Variants in ATP13A3 observed in about 807,000 individuals in gnomAD.
ATP13A3 encodes the protein polyamine-transporting ATPase 13A3.
ATP13A3 carries 59 observed loss-of-function variants against 158.1 expected under a neutral mutation model. That is an observed-to-expected ratio of 0.37 (90% confidence interval 0.30 to 0.46). The LOEUF is 0.46. Ranked by LOEUF, ATP13A3 falls within the 20% of genes least tolerant of loss-of-function variation. The pLI is 1.00. For missense variants in ATP13A3, 1,166 were observed against 1,525.2 expected (o/e 0.76, Z 3.92); for synonymous variants, 491 against 504.3 (o/e 0.97, Z 0.35).
chr3:194,410,296 CAAAAAAA>C (rs772008929), intron 33 of ATP13A3, among the ~76,000 whole-genome samples: 6 of 21,818 alleles, frequency 2.8e-4, no homozygotes, highest in Admixed American at 9.1e-4. Flanking sequence ...CTCCTCTCTG[CAAAAAAA>C]AAAAAAAAAA....
At chr3:194,408,653 A>T (rs78337727) in intron 33 of ATP13A3, among the ~76,000 whole-genome samples, 2,669 of 152,292 alleles carry the variant, frequency 0.018, 76 homozygotes, top group African/African-American at 0.061. Context: ...ACGTGTCACA[A>T]TTTTTAAAAA....
At position 194,431,261 on chromosome 3, in the gene ATP13A3, C is replaced by T. The variant is rs766433376; in HGVS notation, c.2422-35G>A. The T allele has an allele frequency of 1.2e-5, 19 of 1,542,990 alleles. No individual in the cohort carries two copies. In the Admixed American group the frequency reaches 3.6e-4, roughly 30 times the overall value. On this transcript the variant is annotated intron_variant, in intron 22 of 33. Transcript: ENST00000645319. ...TGAGACATTGGGAACAATATTTAGG[C>T]AACCAAACCAAGTAAAACAATTCTA...
At position 194,448,775 on chromosome 3, in the gene ATP13A3, G is replaced by A. The variant is rs1718584425; in HGVS notation, c.971-139C>T. ...ATACTGTTTACAATAATCACTGAGA[G>A]TTGTATATGTGGACAACATGGCTTA... On this transcript the variant is annotated intron_variant, in intron 11 of 33. Transcript: ENST00000645319. The surrounding 1 kb of genome is among the most constrained non-coding windows in gnomAD (Gnocchi z 4.0). 1 of 897,480 alleles carries A rather than the reference G, an allele frequency of 1.1e-6. No individual in the cohort carries two copies. The highest frequency in any genetic ancestry group is 3.5e-4 in the Middle Eastern group (1 of 2,880). 55.6% of individuals were successfully genotyped at this position (897,480 alleles called of 1,614,324 possible). A position where few individuals can be genotyped will look rare whatever the true frequency, so the allele number is the denominator to read the frequency against.
chr3:194,450,758 A>G (rs551624771), intron 10 of ATP13A3: 7 of 153,960 alleles, frequency 4.5e-5, no homozygotes, highest in African/African-American at 1.7e-4. Flanking sequence ...TATAACCTTC[A>G]AGTCTCATTG....
chr3:194,407,781 T>TA (rs966697365), intron 33 of ATP13A3, among the ~76,000 whole-genome samples: 3 of 151,032 alleles, frequency 2.0e-5, no homozygotes, highest in South Asian at 4.2e-4. Flanking sequence ...AGCATCACCT[T>TA]AAAAAAAAAG....
intron 8 of ATP13A3, 124 bp from the exon 9 acceptor site, chr3:194,454,516 G>A (rs1250782808): frequency 2.5e-5 from 27 of 1,095,494 alleles, no homozygotes; most frequent in Non-Finnish European, 3.0e-5. Context: ...AGTATTCTAC[G>A]GCAAAATGTA....
At chr3:194,434,849 T>C (rs1222717210) in intron 20 of ATP13A3, among the ~76,000 whole-genome samples, 1 of 152,152 alleles carries the variant, frequency 6.6e-6, no homozygotes, top group Non-Finnish European at 1.5e-5. Flanking sequence ...AAGGCCCAGG[T>C]GGTCAAGTCT....
chr3:194,488,975 T>G (rs1721114392), upstream of ATP13A3, among the ~76,000 whole-genome samples: 2 of 152,190 alleles, frequency 1.3e-5, no homozygotes, highest in Admixed American at 1.3e-4. The surrounding 1 kb of genome is among the most constrained non-coding windows in gnomAD (Gnocchi z 4.1). Flanking sequence ...ACTGGACATT[T>G]CCAAAACTGA....
chr3:194,428,761 T>A, intron 28 of ATP13A3, 84 bp downstream of exon 28: 1 of 921,656 alleles, frequency 1.1e-6, no homozygotes, highest in East Asian at 2.7e-5. Flanking sequence ...ATGTTACAAT[T>A]GTTGATGTAA....
At position 194,406,094 on chromosome 3, in the gene ATP13A3, T is replaced by C. The variant is rs769995282; in HGVS notation, c.3596A>G (p.Lys1199Arg). The C allele has an allele frequency of 1.9e-6, 3 of 1,614,052 alleles. No individual in the cohort carries two copies. Among genetic ancestry groups the C allele is most frequent in the Non-Finnish European group, 2.5e-6 (3 of 1,180,006 alleles). Reference protein sequence around the residue: ...PPQESVDRWGKCCLPWALGCR... With the variant: ...PPQESVDRWGRCCLPWALGCR... ...GCCCAGGGCCCAGGGTAAGCAGCAT[T>C]TTCCCCACCGATCCACTGACTCCTA... is the stretch of plus-strand genomic sequence containing the variant. Residue 1199 changes from lysine to arginine, a missense_variant, in exon 34 of 34, where the codon AAA becomes AGA. By Grantham distance (26) the Lys-to-Arg change is conservative. This residue lies in a region of ATP13A3 where 997 missense variants were observed against 1,341.2 expected (regional missense o/e 0.74). Coordinates refer to ENST00000645319, the MANE Select transcript of ATP13A3 (RefSeq NM_001367549.1).
At chr3:194,414,215 C>G (rs984076672) in intron 31 of ATP13A3, among the ~76,000 whole-genome samples, 1 of 152,086 alleles carries the variant, frequency 6.6e-6, no homozygotes, top group Non-Finnish European at 1.5e-5. Flanking sequence ...GTGATCCCAA[C>G]ATCTTGGGAG....
intron 33 of ATP13A3, among the ~76,000 whole-genome samples, chr3:194,408,033 T>TC (rs1715073322): frequency 6.6e-6 from 1 of 151,784 alleles, no homozygotes; most frequent in African/African-American, 2.4e-5. Flanking sequence ...TTTTTTTTTT[T>TC]TTTTTGAGAC....
At chr3:194,454,127 G>A (rs1719024609) in intron 9 of ATP13A3, 131 bp downstream of exon 9, 1 of 944,306 alleles carries the variant, frequency 1.1e-6, no homozygotes. Context: ...GGGAGAAGGA[G>A]CATATATTCA....
intron 15 of ATP13A3, 25 bp from the exon 16 acceptor site, chr3:194,441,486 G>C (rs762032382): frequency 1.9e-6 from 3 of 1,593,050 alleles, no homozygotes; most frequent in Non-Finnish European, 1.7e-6. Context: ...CACTGAATTA[G>C]TTTCATAAAT....
At chr3:194,447,713 T>C (rs1321476191) in intron 13 of ATP13A3, 139 bp downstream of exon 13, 1 of 757,342 alleles carries the variant, frequency 1.3e-6, no homozygotes, top group African/African-American at 1.8e-5. Flanking sequence ...CTCATGACTT[T>C]GTTAGCATTA....
chr3:194,444,900 T>C (rs779882106), intron 14 of ATP13A3, 114 bp from the exon 15 acceptor site: 16 of 729,424 alleles, frequency 2.2e-5, no homozygotes, highest in Admixed American at 2.9e-5. Flanking sequence ...ACATATAACA[T>C]AATGGAGTTC....
In ATP13A3 at chr3:194,457,301, C is replaced by A. The variant is rs527709852; in HGVS notation, c.480-127G>T. 5.7e-5 allele frequency: 35 copies of A among 619,392 alleles called. No individual in the cohort carries two copies. The South Asian group carries it at 7.4e-4, about 13-fold the overall frequency. The allele number at this position is 619,392 out of a possible 1,614,324, so 38.4% of individuals were successfully genotyped here. On this transcript the variant is annotated intron_variant, in intron 6 of 33. Transcript: ENST00000645319. ...CTTACAAATCCTTAGAAACCCTTAA[C>A]AAAAATTGAGATAACAAATGAGAAT...
In ATP13A3 at chr3:194,476,766, GT is replaced by G. The variant is rs367780103; in HGVS notation, c.-47+9027del. Among the ~76,000 whole-genome samples the G allele has an allele frequency of 1.3e-3, 167 of 128,678 alleles. 1 individual carries two copies. Among genetic ancestry groups the G allele is most frequent in the Middle Eastern group, 8.1e-3 (2 of 246 alleles). 84.4% of individuals were successfully genotyped at this position (128,678 alleles called of 152,430 possible). ...AAGAGTACCTTCAAAGTAAGTTGTT[GT>G]TTTTTTTTTTTTTCAAAACAATTAA... On this transcript the variant is annotated intron_variant, in intron 2 of 33. Coordinates refer to ENST00000645319, the MANE Select transcript of ATP13A3 (RefSeq NM_001367549.1).
chr3:194,459,415 T>C lies in ATP13A3; in HGVS notation c.479+56A>G, dbSNP rs1311393298. On this transcript the variant is annotated intron_variant, in intron 6 of 33. Coordinates refer to ENST00000645319, the MANE Select transcript of ATP13A3 (RefSeq NM_001367549.1). ...GAATACTAGAATGGACTCTTTTCTA[T>C]CTAGAACGTTTTCAGGATATTCAAA... The C allele has an allele frequency of 6.6e-6, 8 of 1,211,130 alleles. No individual in the cohort carries two copies. The East Asian group carries it at 1.4e-4, about 21-fold the overall frequency. The allele number at this position is 1,211,130 out of a possible 1,614,324, so 75.0% of individuals were successfully genotyped here.
Sources: allele counts gnomAD v4.1 joint callset (sites outside exome capture counted in the v4.1 genomes callset), GRCh38; gene constraint gnomAD v4.1.1; regional missense constraint gnomAD v4.1.1; non-coding constraint Gnocchi (gnomAD v3.1); transcripts MANE v1.5; gene names NCBI Gene and HGNC (gene_info 2026-07-23, HGNC 2026-07-21).